Variants in PCP4L1 observed in about 807,000 individuals in gnomAD.
PCP4L1 encodes the protein Purkinje cell protein 4 like 1.
A neutral mutation model predicts 9.6 loss-of-function variants in PCP4L1; 9 were observed. The ratio of observed to expected loss-of-function variants is 0.94; its 90% CI spans 0.57 to 1.64. The LOEUF (loss-of-function observed/expected upper bound fraction) is 1.64, where lower values mean the gene tolerates loss of function less well. Among genes scored for constraint, PCP4L1 ranks in the 40% most tolerant of loss-of-function variants. The pLI is 0.00. For missense variants in PCP4L1, 81 were observed against 80.8 expected (o/e 1.00, Z -0.01); for synonymous variants, 31 against 28.2 (o/e 1.10, Z -0.31).
intron 1 of PCP4L1, among the ~76,000 whole-genome samples, chr1:161,264,566 C>T (rs1045695446): frequency 1.3e-5 from 2 of 151,848 alleles, no homozygotes; most frequent in Admixed American, 6.6e-5. Flanking sequence ...TGGTGGTTCA[C>T]GCCTGTAATC....
chr1:161,284,433 G>T lies in PCP4L1; in HGVS notation c.159G>T (p.Gln53His). The T allele has an allele frequency of 1.2e-6, 2 of 1,613,982 alleles. No homozygotes were observed. The highest frequency in any genetic ancestry group is 1.7e-6 in the Non-Finnish European group (2 of 1,179,880). The change falls in exon 3 of 3, where the codon CAG becomes CAT. Residue 53 changes from glutamine (Q) to histidine (H), a missense_variant. Physicochemically the swap from Gln to His is conservative, Grantham distance 24. Coordinates refer to ENST00000504449, the MANE Select transcript of PCP4L1 (RefSeq NM_001102566.2). ...CAGAGAAGGCTGCCCTTGCTATTCA[G>T]GGCAAGTTCCGGCGATTTCAGAAAA... is the stretch of plus-strand genomic sequence containing the variant. ...PETEKAALAIQGKFRRFQKRK... is the reference protein window; with the variant it reads ...PETEKAALAIHGKFRRFQKRK...
chr1:161,263,404 A>AT (rs1265691377), intron 1 of PCP4L1, among the ~76,000 whole-genome samples: 3 of 151,274 alleles, frequency 2.0e-5, no homozygotes, highest in Admixed American at 1.3e-4. Context: ...CGCCCGGCTA[A>AT]TTTTTTGTAT....
intron 1 of PCP4L1, among the ~76,000 whole-genome samples, chr1:161,268,896 T>C (rs542756026): frequency 9.9e-5 from 15 of 152,272 alleles, no homozygotes; most frequent in African/African-American, 3.6e-4. Context: ...AGATGAGCGA[T>C]CTGAGCACAG....
Position 161,275,230 on chromosome 1 carries a change from C to A in PCP4L1, c.10-8438C>A, listed in dbSNP as rs184138616. Among the ~76,000 whole-genome samples, 97 of 152,168 alleles carry A rather than the reference C, an allele frequency of 6.4e-4. 1 individual carries two copies. The highest frequency in any genetic ancestry group is 2.2e-3 in the African/African-American group (91 of 41,546). On this transcript the variant is annotated intron_variant, in intron 1 of 2. Coordinates refer to ENST00000504449, the MANE Select transcript of PCP4L1 (RefSeq NM_001102566.2). ...GAGGGAAGATATTTAGAATCAGAGT[C>A]CAGTGGCCGGGTGTGGTGGCTCACG...
At chr1:161,274,802 G>A (rs1474044022) in intron 1 of PCP4L1, among the ~76,000 whole-genome samples, 2 of 151,994 alleles carry the variant, frequency 1.3e-5, no homozygotes, top group African/African-American at 2.4e-5. Flanking sequence ...TGGCTATTTC[G>A]AGAACTGGCT....
At chr1:161,265,116 T>C (rs1172289165) in intron 1 of PCP4L1, among the ~76,000 whole-genome samples, 7 of 152,282 alleles carry the variant, frequency 4.6e-5, no homozygotes, top group Admixed American at 1.3e-4. Context: ...ATTCCCATAA[T>C]TGCAGGCAAG....
rs1387887831 is a variant in PCP4L1, at chr1:161,262,707, G to T, written c.9+3724G>T. Among the ~76,000 whole-genome samples, 5 of 152,122 alleles carry T rather than the reference G, an allele frequency of 3.3e-5. No individual in the cohort carries two copies. In the South Asian group the frequency reaches 8.3e-4, roughly 25 times the overall value. On this transcript the variant is annotated intron_variant, in intron 1 of 2. Transcript: ENST00000504449. ...GGGTCAGGCAGCCATAAGTAATATG[G>T]CTGAAGTCCAAGTGCACAAACTTGA...
intron 1 of PCP4L1, among the ~76,000 whole-genome samples, chr1:161,270,256 C>G (rs1174654458): frequency 2.0e-5 from 3 of 151,840 alleles, no homozygotes; most frequent in Admixed American, 1.3e-4. Flanking sequence ...GAGATCATGC[C>G]ACTGTACTCC....
chr1:161,281,078 C>G (rs193087664), intron 1 of PCP4L1, among the ~76,000 whole-genome samples: 6,976 of 152,216 alleles, frequency 0.046, 223 homozygotes, highest in Middle Eastern at 0.082. Flanking sequence ...ATCTGTTTAA[C>G]AAAGCACATC....
At chr1:161,261,355 T>C (rs1480854333) in intron 1 of PCP4L1, among the ~76,000 whole-genome samples, 1 of 152,232 alleles carries the variant, frequency 6.6e-6, no homozygotes, top group Non-Finnish European at 1.5e-5. Flanking sequence ...GGCTCTGCCT[T>C]GCCTTTGTGG....
chr1:161,274,654 A>T (rs1282295207), intron 1 of PCP4L1, among the ~76,000 whole-genome samples: 1 of 152,180 alleles, frequency 6.6e-6, no homozygotes, highest in African/African-American at 2.4e-5. Flanking sequence ...GATAAACAGG[A>T]GGGTTGAGGC....
intron 1 of PCP4L1, among the ~76,000 whole-genome samples, chr1:161,279,252 C>T (rs1370751044): frequency 1.3e-5 from 2 of 152,194 alleles, no homozygotes; most frequent in Non-Finnish European, 2.9e-5. Flanking sequence ...GAGAGACTTT[C>T]CTAGACTACT....
rs114515215 is a variant in PCP4L1 at position 161,284,512 on chromosome 1, C to T, written c.*31C>T. ...CAGGCTTGCCCTTCACCTTCACCTT[C>T]ATGCTGGTCCCTTCTCTCCCCTTCT... is the stretch of plus-strand genomic sequence containing the variant. On this transcript the variant is annotated 3_prime_UTR_variant, in exon 3 of 3. Transcript: ENST00000504449. 31,875 of 1,602,294 alleles carry T rather than the reference C, an allele frequency of 0.02. 396 individuals are homozygous for T. Among genetic ancestry groups the T allele is most frequent in the South Asian group, 0.032 (2,852 of 89,430 alleles).
chr1:161,263,948 C>T (rs868406684), intron 1 of PCP4L1, among the ~76,000 whole-genome samples: 17 of 127,740 alleles, frequency 1.3e-4, no homozygotes, highest in Middle Eastern at 5.4e-3. Context: ...CTCACTCTGT[C>T]GCCCAAGCTG....
In PCP4L1 at chr1:161,276,137, G is replaced by C. The variant is rs979307080; in HGVS notation, c.10-7531G>C. 4.6e-5 allele frequency among the ~76,000 whole-genome samples: 7 copies of C among 152,244 alleles called. No homozygotes were observed. The South Asian group carries it at 6.2e-4, about 14-fold the overall frequency. Reference sequence around the variant, plus strand: ...TGTGGACAAACCTCTTGTGATGACAGTATTCCTGTGGAAGGTGTCACCTCA... The same window carrying C: ...TGTGGACAAACCTCTTGTGATGACACTATTCCTGTGGAAGGTGTCACCTCA... On this transcript the variant is annotated intron_variant, in intron 1 of 2. Transcript: ENST00000504449.
At chr1:161,271,404 T>C (rs1409640520) in intron 1 of PCP4L1, among the ~76,000 whole-genome samples, 3 of 152,248 alleles carry the variant, frequency 2.0e-5, no homozygotes, top group African/African-American at 7.2e-5. Flanking sequence ...GTTTTTATTA[T>C]AGAGATTTAA....
rs1669872293 is a variant in PCP4L1, at chr1:161,284,382, T to G, written c.108T>G (p.Ile36Met). Residue 36 changes from isoleucine (I) to methionine (M), a missense_variant, in exon 3 of 3, where the codon ATT becomes ATG. Transcript: ENST00000504449. ...AGAAGGCGGAGGAGGAGGAGGAGAT[T>G]GACATTGATCTGACAGCACCAGAAA... ...NVKKAEEEEE[I>M]DIDLTAPETE... The G allele has an allele frequency of 6.2e-7, 1 of 1,613,832 alleles. No homozygotes were observed. Among genetic ancestry groups the G allele is most frequent in the Non-Finnish European group, 8.5e-7 (1 of 1,179,836 alleles).
chr1:161,260,378 GAA>G (rs1669395364), intron 1 of PCP4L1, among the ~76,000 whole-genome samples: 1 of 152,122 alleles, frequency 6.6e-6, no homozygotes, highest in Non-Finnish European at 1.5e-5. Context: ...CTTTCAGAAA[GAA>G]AAGAAAAAAA....
At chr1:161,266,519 G>T (rs1011150936) in intron 1 of PCP4L1, among the ~76,000 whole-genome samples, 6 of 152,170 alleles carry the variant, frequency 3.9e-5, no homozygotes, top group Non-Finnish European at 8.8e-5. Flanking sequence ...TGCATACCAT[G>T]AGCTGGCATG....
Sources: gnomAD v4.1 joint callset for allele counts (sites outside exome capture counted in the v4.1 genomes callset) on GRCh38, gnomAD v4.1.1 for gene constraint, MANE v1.5 for transcripts, NCBI Gene and HGNC (gene_info 2026-07-23, HGNC 2026-07-21) for gene names.